PTPRD: variants seen among roughly 807,000 people sequenced by gnomAD.
PTPRD encodes protein tyrosine phosphatase receptor type D, also known as receptor-type tyrosine-protein phosphatase delta.
A neutral mutation model predicts 214.5 loss-of-function variants in PTPRD; 34 were observed. That is an observed-to-expected ratio of 0.16 (90% CI 0.12 to 0.21). The LOEUF (loss-of-function observed/expected upper bound fraction) is 0.21. Among genes scored for constraint, PTPRD ranks in the 10% least tolerant of loss-of-function variants. The pLI is 1.00. For missense variants in PTPRD, 2,545 were observed against 2,398.7 expected (o/e 1.06, Z -1.27); for synonymous variants, 1,128 against 845.7 (o/e 1.33, Z -5.79).
chr9:8,322,477 C>T (rs1023934732), intron 44 of PTPRD, among the ~76,000 whole-genome samples: 1 of 152,138 alleles, frequency 6.6e-6, no homozygotes, highest in Non-Finnish European at 1.5e-5. Context: ...CATAGAAGAT[C>T]AAATCATTTA....
chr9:9,815,259 C>A (rs967203576), intron 5 of PTPRD, among the ~76,000 whole-genome samples: 1 of 152,022 alleles, frequency 6.6e-6, no homozygotes, highest in Non-Finnish European at 1.5e-5. Flanking sequence ...CAAGGATTCA[C>A]AATGGAGAAA....
chr9:8,910,163 C>A (rs947865744), intron 11 of PTPRD, among the ~76,000 whole-genome samples: 3 of 151,990 alleles, frequency 2.0e-5, no homozygotes, highest in Admixed American at 6.6e-5. Flanking sequence ...CCCAGCCTCC[C>A]GAGTAGCTGG....
intron 9 of PTPRD, among the ~76,000 whole-genome samples, chr9:9,327,162 G>T (rs2040295546): frequency 6.6e-6 from 1 of 152,094 alleles, no homozygotes; most frequent in Non-Finnish European, 1.5e-5. Context: ...TTATTAAACA[G>T]TAATCACAGA....
intron 7 of PTPRD, among the ~76,000 whole-genome samples, chr9:9,672,230 C>T (rs78561376): frequency 0.15 from 22,343 of 151,986 alleles, 2,242 homozygotes; most frequent in African/African-American, 0.28. Context: ...TTTCTGAAAA[C>T]AGTAAATTTT....
In PTPRD at chr9:8,728,186, G is replaced by C. The variant is rs535255191; in HGVS notation, c.64+5594C>G. On this transcript the variant is annotated intron_variant, in intron 12 of 45. Coordinates refer to ENST00000381196, the MANE Select transcript of PTPRD (RefSeq NM_002839.4). Reference sequence around the variant, plus strand: ...AATCGCTTGAACCGAGGAGGCGGAGGTTGCGATGAGCCAAGATCGTGCCAT... The same window carrying C: ...AATCGCTTGAACCGAGGAGGCGGAGCTTGCGATGAGCCAAGATCGTGCCAT... Among the ~76,000 whole-genome samples, 3 of 152,228 alleles carry C rather than the reference G, an allele frequency of 2.0e-5. No homozygotes were observed. The East Asian group carries it at 5.8e-4, about 29-fold the overall frequency.
chr9:10,343,042 T>G (rs2096974031), intron 2 of PTPRD, among the ~76,000 whole-genome samples: 1 of 152,208 alleles, frequency 6.6e-6, no homozygotes, highest in South Asian at 2.1e-4. Context: ...TTTTGATACC[T>G]AGGTACACAT....
At chr9:9,805,792 C>T (rs1056854036) in intron 5 of PTPRD, among the ~76,000 whole-genome samples, 5 of 152,050 alleles carry the variant, frequency 3.3e-5, no homozygotes, top group Non-Finnish European at 7.4e-5. Flanking sequence ...TGCTTAAGAA[C>T]ATTAATGTTC....
At chr9:8,658,101 A>G (rs2154351620) in intron 12 of PTPRD, among the ~76,000 whole-genome samples, 1 of 152,304 alleles carries the variant, frequency 6.6e-6, no homozygotes, top group South Asian at 2.1e-4. Flanking sequence ...AATGCAGAAA[A>G]TGTAGAAGTT....
chr9:9,357,740 A>G (rs1434450318), intron 9 of PTPRD, among the ~76,000 whole-genome samples: 2 of 151,016 alleles, frequency 1.3e-5, no homozygotes, highest in East Asian at 3.9e-4. Context: ...CACAGTTAAG[A>G]GGGCAATAGT....
intron 2 of PTPRD, among the ~76,000 whole-genome samples, chr9:10,519,282 A>AAG (rs71332753): frequency 7.5e-6 from 1 of 133,870 alleles, no homozygotes; most frequent in Non-Finnish European, 1.6e-5. Flanking sequence ...AAAAAAAAAA[A>AAG]GCAACCTCAC....
intron 5 of PTPRD, among the ~76,000 whole-genome samples, chr9:9,915,772 A>G (rs1275244364): frequency 2.0e-5 from 3 of 152,080 alleles, no homozygotes; most frequent in South Asian, 2.1e-4. Context: ...TATTATAAGC[A>G]TTCAAGAAAA....
chr9:8,673,078 T>TATCC (rs2097321615), intron 12 of PTPRD, among the ~76,000 whole-genome samples: 1 of 152,150 alleles, frequency 6.6e-6, no homozygotes, highest in Non-Finnish European at 1.5e-5. Context: ...TCTACTAAGA[T>TATCC]ATCCTTACAC....
chr9:9,344,730 G>A (rs999616949), intron 9 of PTPRD, among the ~76,000 whole-genome samples: 1 of 151,668 alleles, frequency 6.6e-6, no homozygotes, highest in Admixed American at 6.6e-5. Context: ...CAATCCAAAA[G>A]GCAAGTTACC....
intron 3 of PTPRD, among the ~76,000 whole-genome samples, chr9:10,223,647 GTGACAGAATGAGATTC>G (rs2099578834): frequency 6.7e-6 from 1 of 148,212 alleles, no homozygotes. Flanking sequence ...TCCAGCTTGG[GTGACAGAATGAGATTC>G]TGTCTCAAAT....
chr9:8,687,920 T>C (rs1261202360), intron 12 of PTPRD, among the ~76,000 whole-genome samples: 3 of 152,164 alleles, frequency 2.0e-5, no homozygotes, highest in East Asian at 1.9e-4. Flanking sequence ...TCTATATGTA[T>C]AATGTCCCAA....
At chr9:8,514,540 T>C (rs76425900) in intron 21 of PTPRD, among the ~76,000 whole-genome samples, 8 of 151,716 alleles carry the variant, frequency 5.3e-5, no homozygotes, top group Non-Finnish European at 8.8e-5. Context: ...TTTTTTTTTT[T>C]CCATTTCTAA....
chr9:9,567,614 T>C (rs2084981124), intron 8 of PTPRD, among the ~76,000 whole-genome samples: 1 of 152,014 alleles, frequency 6.6e-6, no homozygotes. Context: ...AAGAAGGATG[T>C]AGTACACCAA....
Position 8,805,103 on chromosome 9 carries a change from A to G in PTPRD, c.-103-71157T>C, listed in dbSNP as rs985363483. Among the ~76,000 whole-genome samples the G allele has an allele frequency of 5.3e-5, 8 of 152,324 alleles. No individual in the cohort carries two copies. In the South Asian group the frequency reaches 1.4e-3, roughly 28 times the overall value. Reference sequence around the variant, plus strand: ...GATCAAAGCCATGGGATCAGAACCTATACCTCACAGATAGTATCTGGAAAA... The same window carrying G: ...GATCAAAGCCATGGGATCAGAACCTGTACCTCACAGATAGTATCTGGAAAA... On this transcript the variant is annotated intron_variant, in intron 11 of 45. Coordinates refer to ENST00000381196, the MANE Select transcript of PTPRD (RefSeq NM_002839.4).
intron 5 of PTPRD, among the ~76,000 whole-genome samples, chr9:9,846,585 G>C (rs927519828): frequency 1.3e-5 from 2 of 152,136 alleles, no homozygotes; most frequent in Non-Finnish European, 2.9e-5. Flanking sequence ...TGTACATAAA[G>C]AGTTACCAGA....
Sources: gnomAD v4.1 joint callset for allele counts (sites outside exome capture counted in the v4.1 genomes callset) on GRCh38, gnomAD v4.1.1 for gene constraint, MANE v1.5 for transcripts, NCBI Gene and HGNC (gene_info 2026-07-23, HGNC 2026-07-21) for gene names.